The following GPHN variants were observed in gnomAD, a reference collection of about 807,000 sequenced individuals.
GPHN encodes the protein gephyrin.
In GPHN, 17 loss-of-function variants were observed where a neutral mutation model predicts 95.5. The observed-to-expected ratio is 0.18, with a 90% CI of 0.12 to 0.27. The LOEUF (loss-of-function observed/expected upper bound fraction) is 0.27, where lower values mean the gene tolerates loss of function less well. Among genes scored for constraint, GPHN ranks in the 10% least tolerant of loss-of-function variants. The pLI is 1.00. For missense variants in GPHN, 660 were observed against 978.1 expected (o/e 0.67, Z 4.34); for synonymous variants, 320 against 322.5 (o/e 0.99, Z 0.08).
chr14:67,245,424 C>T, the GPHN span, among the ~76,000 whole-genome samples: 1 of 152,022 alleles, frequency 6.6e-6, no homozygotes, highest in African/African-American at 2.4e-5. Flanking sequence ...TGCTTATTTG[C>T]CATCTGTTTA....
chr14:67,149,405 A>C (rs2081110959), intron 18 of GPHN, among the ~76,000 whole-genome samples: 1 of 152,218 alleles, frequency 6.6e-6, no homozygotes, highest in South Asian at 2.1e-4. Context: ...TGTTATTTTC[A>C]AATGAACCAA....
intron 2 of GPHN, among the ~76,000 whole-genome samples, chr14:66,708,619 T>C (rs1224723685): frequency 6.6e-6 from 1 of 152,138 alleles, no homozygotes; most frequent in Non-Finnish European, 1.5e-5. Context: ...AAGGAAAGAA[T>C]ATAAAAAGAT....
chr14:67,154,729 G>A (rs1281723408), intron 18 of GPHN, among the ~76,000 whole-genome samples: 1 of 152,072 alleles, frequency 6.6e-6, no homozygotes, highest in Non-Finnish European at 1.5e-5. Flanking sequence ...CATAATGTTA[G>A]AAGCATTTAG....
chr14:66,694,893 C>T (rs756422458), intron 2 of GPHN, among the ~76,000 whole-genome samples: 37 of 152,226 alleles, frequency 2.4e-4, no homozygotes, highest in Non-Finnish European at 5.1e-4. Context: ...CGCAGTGGCT[C>T]ACGCCTGTAA....
At chr14:66,679,706 T>G (rs1053915726) in intron 1 of GPHN, among the ~76,000 whole-genome samples, 2 of 152,224 alleles carry the variant, frequency 1.3e-5, no homozygotes, top group Admixed American at 1.3e-4. Flanking sequence ...TTTGCTGTAT[T>G]CAGTCAGTTA....
intron 1 of GPHN, among the ~76,000 whole-genome samples, chr14:66,619,056 G>A (rs527343353): frequency 5.1e-4 from 78 of 152,172 alleles, no homozygotes; most frequent in East Asian, 1.5e-3. Flanking sequence ...TTCACTCAGC[G>A]TAAGTATTTG....
Position 66,883,515 on chromosome 14 carries a change from G to A in GPHN, c.389+3482G>A, listed in dbSNP as rs182350834. On this transcript the variant is annotated intron_variant, in intron 5 of 22. Coordinates refer to ENST00000478722, the MANE Select transcript of GPHN (RefSeq NM_020806.5). ...TCTGGCTTACCTTGGGGTTGACATC[G>A]GTTGATTTCTTTTCCCATGAGAACT... Among the ~76,000 whole-genome samples the A allele has an allele frequency of 2.8e-3, 427 of 152,014 alleles. 1 individual carries two copies. Among genetic ancestry groups the A allele is most frequent in the African/African-American group, 8.8e-3 (364 of 41,504 alleles).
rs1032619525 is a variant in GPHN, at chr14:67,148,817, C to T, written c.1836+5368C>T. 6.3e-4 allele frequency among the ~76,000 whole-genome samples: 95 copies of T among 151,598 alleles called. 3 individuals carry two copies. Among genetic ancestry groups the T allele is most frequent in the African/African-American group, 2.1e-3 (88 of 41,478 alleles). ...TCCTGACCTCATGATCCACCCGCCT[C>T]GGCCTCCCAAAGTGCTGGGATTACA... On this transcript the variant is annotated intron_variant, in intron 18 of 22. Transcript: ENST00000478722.
chr14:66,760,907 C>A, intron 2 of GPHN: 1 of 956,964 alleles, frequency 1.0e-6, no homozygotes, highest in South Asian at 1.3e-5. Flanking sequence ...TCAAAGAAGT[C>A]AAGCAAAACA....
At chr14:66,829,136 G>A (rs1329638276) in intron 4 of GPHN, among the ~76,000 whole-genome samples, 1 of 133,230 alleles carries the variant, frequency 7.5e-6, no homozygotes, top group African/African-American at 2.9e-5. Flanking sequence ...AACCTAGGCT[G>A]GAGTGCAGTG....
intron 11 of GPHN, 82 bp downstream of exon 11, chr14:67,058,868 C>T: frequency 1.7e-6 from 2 of 1,189,336 alleles, no homozygotes; most frequent in Non-Finnish European, 2.5e-6. Flanking sequence ...GCACAGTTTT[C>T]CTGAAAAAGA....
intron 4 of GPHN, among the ~76,000 whole-genome samples, chr14:66,849,246 A>G (rs2062475624): frequency 6.6e-6 from 1 of 151,946 alleles, no homozygotes; most frequent in South Asian, 2.1e-4. Flanking sequence ...TGTTCTACAA[A>G]AAAATTGGGA....
At chr14:67,428,506 G>C in the GPHN span, among the ~76,000 whole-genome samples, 1 of 152,210 alleles carries the variant, frequency 6.6e-6, no homozygotes, top group Admixed American at 6.5e-5. Context: ...TTTCACAAAG[G>C]AGGAATTTGA....
intron 5 of GPHN, among the ~76,000 whole-genome samples, chr14:66,894,773 GC>G (rs1438361662): frequency 6.6e-6 from 1 of 152,118 alleles, no homozygotes; most frequent in Non-Finnish European, 1.5e-5. Flanking sequence ...GTCATCACTG[GC>G]CATCAGAGAA....
chr14:66,967,639 T>C (rs1158083465), intron 9 of GPHN, among the ~76,000 whole-genome samples: 1 of 151,890 alleles, frequency 6.6e-6, no homozygotes, highest in African/African-American at 2.4e-5. Context: ...GCTAAAAAAG[T>C]CTCAGATTTC....
chr14:67,203,167 G>C, the GPHN span: 278 of 1,613,798 alleles, frequency 1.7e-4, no homozygotes, highest in Non-Finnish European at 2.3e-4. Flanking sequence ...TGTTTTTCCA[G>C]CTCCACCCAC....
At chr14:66,856,535 A>G (rs2062810053) in intron 4 of GPHN, among the ~76,000 whole-genome samples, 1 of 152,120 alleles carries the variant, frequency 6.6e-6, no homozygotes, top group Admixed American at 6.5e-5. Context: ...TTAAAACTTT[A>G]AAGAACAGAT....
the GPHN span, among the ~76,000 whole-genome samples, chr14:67,440,115 C>T: frequency 1.3e-5 from 2 of 152,152 alleles, no homozygotes; most frequent in Non-Finnish European, 2.9e-5. Context: ...GGATTACAGG[C>T]GTGAGTTACC....
intron 2 of GPHN, among the ~76,000 whole-genome samples, chr14:66,685,113 T>C (rs1456022583): frequency 6.6e-6 from 1 of 152,244 alleles, no homozygotes; most frequent in African/African-American, 2.4e-5. Context: ...TATTCCATGG[T>C]GTATATGTAC....
Sources: allele counts gnomAD v4.1 joint callset (sites outside exome capture counted in the v4.1 genomes callset), GRCh38; gene constraint gnomAD v4.1.1; transcripts MANE v1.5; gene names NCBI Gene and HGNC (gene_info 2026-07-23, HGNC 2026-07-21).